SEC14L1: variants seen among roughly 807,000 people sequenced by gnomAD.
SEC14L1 encodes SEC14 like lipid binding 1, also known as SEC14-like protein 1.
SEC14L1 carries 48 observed loss-of-function variants against 85.3 expected under a neutral mutation model. The observed-to-expected ratio is 0.56, with a 90% CI of 0.45 to 0.72. The LOEUF (loss-of-function observed/expected upper bound fraction) is 0.72. SEC14L1 is among the 30% of genes least tolerant of loss of function. The pLI is 0.00. For missense variants in SEC14L1, 682 were observed against 921.4 expected (o/e 0.74, Z 3.36); for synonymous variants, 391 against 355.5 (o/e 1.10, Z -1.12).
At position 77,214,770 on chromosome 17, in the gene SEC14L1, T is replaced by C. The variant is rs1478818868; in HGVS notation, c.*747T>C. On this transcript the variant is annotated 3_prime_UTR_variant, in exon 17 of 17. Coordinates refer to ENST00000436233, the MANE Select transcript of SEC14L1 (RefSeq NM_001143998.2). ...AGCAGGATTTTTCTGTATGTGAACT[T>C]GGGTGGGGGGGTTCTTCCCGTTTCC... 20 of 985,412 alleles carry C rather than the reference T, an allele frequency of 2.0e-5. No individual in the cohort carries two copies. The highest frequency in any genetic ancestry group is 1.7e-5 in the African/African-American group (1 of 57,244). The allele number at this position is 985,412 out of a possible 1,614,324, so 61.0% of individuals were successfully genotyped here. A position where few individuals can be genotyped will look rare whatever the true frequency, so the allele number is the denominator to read the frequency against.
At chr17:77,091,257 T>G (rs1971510388) in intron 2 of SEC14L1, among the ~76,000 whole-genome samples, 2 of 152,102 alleles carry the variant, frequency 1.3e-5, no homozygotes, top group Non-Finnish European at 2.9e-5. Context: ...CCGGCTAATT[T>G]TTGTATTTTT....
At chr17:77,183,497 C>T (rs936029760) in intron 3 of SEC14L1, among the ~76,000 whole-genome samples, 5 of 152,314 alleles carry the variant, frequency 3.3e-5, no homozygotes, top group East Asian at 1.9e-4. Flanking sequence ...GGCAAAGAAT[C>T]GTGCACCTGT....
intron 9 of SEC14L1, among the ~76,000 whole-genome samples, chr17:77,201,822 A>G (rs1449403983): frequency 6.6e-6 from 1 of 152,220 alleles, no homozygotes; most frequent in Non-Finnish European, 1.5e-5. Flanking sequence ...TTTGGAGCAC[A>G]TAAAAATGTT....
At chr17:77,101,911 T>G (rs968747567) in intron 3 of SEC14L1, among the ~76,000 whole-genome samples, 3 of 152,196 alleles carry the variant, frequency 2.0e-5, no homozygotes, top group Non-Finnish European at 4.4e-5. Flanking sequence ...TTCTTGTAGT[T>G]TATTCACCAG....
chr17:77,135,748 C>T (rs534250161), intron 3 of SEC14L1, among the ~76,000 whole-genome samples: 17 of 152,152 alleles, frequency 1.1e-4, no homozygotes, highest in Middle Eastern at 3.4e-3. Context: ...GCTATGTTGT[C>T]CAGGCTGGTC....
intron 3 of SEC14L1, among the ~76,000 whole-genome samples, chr17:77,109,734 C>T (rs59976815): frequency 0.15 from 22,640 of 152,146 alleles, 1,708 homozygotes; most frequent in South Asian, 0.23. Flanking sequence ...TAATGCTCAG[C>T]CTTGGAAGGA....
intron 3 of SEC14L1, among the ~76,000 whole-genome samples, chr17:77,165,092 T>G (rs1974228105): frequency 6.6e-6 from 1 of 152,232 alleles, no homozygotes. Context: ...TCATTTATTT[T>G]ATGAAAGTTC....
intron 3 of SEC14L1, among the ~76,000 whole-genome samples, chr17:77,145,468 T>G (rs930364012): frequency 1.1e-4 from 17 of 152,194 alleles, no homozygotes; most frequent in Admixed American, 2.6e-4. Flanking sequence ...TGTGTGTGGG[T>G]AAGAAGCTCT....
At position 77,194,864 on chromosome 17, in the gene SEC14L1, C is replaced by A. The variant is rs746353086; in HGVS notation, c.662C>A (p.Ala221Asp). The change falls in exon 7 of 17, where the codon GCC (alanine) becomes GAC (aspartate). Residue 221 changes from alanine (A) to aspartate (D), a missense_variant. Physicochemically the swap from Ala to Asp is moderately radical, Grantham distance 126. Transcript: ENST00000436233. ...AALKEGLSGD[A>D]LSSPSAPEPV... ...CTCAAGGAGGGGCTGAGTGGTGATGCCCTCAGCAGCCCCAGCGCACCTGAG... is the reference window on the plus strand; with the variant it reads ...CTCAAGGAGGGGCTGAGTGGTGATGACCTCAGCAGCCCCAGCGCACCTGAG... 11 of 1,614,084 alleles carry A rather than the reference C, an allele frequency of 6.8e-6. No homozygotes were observed. The South Asian group carries it at 9.9e-5, about 14-fold the overall frequency.
At chr17:77,163,580 CAG>C (rs1974160003) in intron 3 of SEC14L1, among the ~76,000 whole-genome samples, 1 of 152,174 alleles carries the variant, frequency 6.6e-6, no homozygotes, top group African/African-American at 2.4e-5. Flanking sequence ...TAAGTTCATT[CAG>C]AGAGTCCCTC....
In SEC14L1 at chr17:77,206,108, T is replaced by A. The variant is rs1315870233; in HGVS notation, c.1170-121T>A. 6.2e-6 allele frequency: 6 copies of A among 971,718 alleles called. No homozygotes were observed. Among genetic ancestry groups the A allele is most frequent in the African/African-American group, 4.9e-5 (3 of 60,684 alleles). The allele number at this position is 971,718 out of a possible 1,614,324, so 60.2% of individuals were successfully genotyped here. A position where few individuals can be genotyped will look rare whatever the true frequency, so the allele number is the denominator to read the frequency against. On this transcript the variant is annotated intron_variant, in intron 11 of 16. Transcript: ENST00000436233. This position sits in a 1 kb window ranked among gnomAD's most constrained non-coding sequence, Gnocchi z 4.3. ...TAGCACTATACATAGCACTATAATT[T>A]AAAAAAATTGATTATGATGTATTTG...
At chr17:77,133,925 T>G (rs1598272526) in intron 3 of SEC14L1, among the ~76,000 whole-genome samples, 1 of 109,570 alleles carries the variant, frequency 9.1e-6, no homozygotes, top group Non-Finnish European at 1.8e-5. Flanking sequence ...GGCAACAGAG[T>G]GAGACTCCAT....
intron 13 of SEC14L1, 34 bp from the exon 14 acceptor site, chr17:77,209,308 T>C: frequency 6.2e-7 from 1 of 1,612,166 alleles, no homozygotes; most frequent in South Asian, 1.1e-5. Flanking sequence ...GGTTTGTGTT[T>C]GCACAGGTTT....
At chr17:77,204,016 C>T (rs1005239849) in intron 10 of SEC14L1, among the ~76,000 whole-genome samples, 3 of 152,178 alleles carry the variant, frequency 2.0e-5, no homozygotes, top group Middle Eastern at 3.4e-3. Flanking sequence ...GAGCTCTTGG[C>T]GTCTTTCTCC....
At chr17:77,209,185 C>G (rs1247818253) in intron 13 of SEC14L1, among the ~76,000 whole-genome samples, 157 bp from the exon 14 acceptor site, 2 of 152,170 alleles carry the variant, frequency 1.3e-5, no homozygotes, top group African/African-American at 4.8e-5. Context: ...ACATATTGCT[C>G]AGTAGTGCAG....
At chr17:77,188,334 T>C (rs1567918541) in intron 3 of SEC14L1, among the ~76,000 whole-genome samples, 1 of 151,646 alleles carries the variant, frequency 6.6e-6, no homozygotes, top group Non-Finnish European at 1.5e-5. Flanking sequence ...GCAACCACTC[T>C]TCTGTTTTCG....
intron 3 of SEC14L1, among the ~76,000 whole-genome samples, chr17:77,146,205 C>T (rs1973296080): frequency 6.6e-6 from 1 of 152,108 alleles, no homozygotes; most frequent in South Asian, 2.1e-4. Flanking sequence ...GGGTGGTAGG[C>T]AGTGGGCATC....
At chr17:77,134,034 GA>G (rs1972703734) in intron 3 of SEC14L1, among the ~76,000 whole-genome samples, 1 of 151,704 alleles carries the variant, frequency 6.6e-6, no homozygotes, top group Non-Finnish European at 1.5e-5. Context: ...GATCCTGTCT[GA>G]GGAAAACAGG....
intron 3 of SEC14L1, among the ~76,000 whole-genome samples, chr17:77,132,516 C>T (rs570218600): frequency 2.2e-4 from 34 of 152,280 alleles, no homozygotes; most frequent in African/African-American, 6.7e-4. Context: ...TGAGCCACTG[C>T]GCCTGGGCAA....
Sources: gnomAD v4.1 joint callset for allele counts (sites outside exome capture counted in the v4.1 genomes callset) on GRCh38, gnomAD v4.1.1 for gene constraint, Gnocchi (gnomAD v3.1) non-coding constraint, MANE v1.5 for transcripts, NCBI Gene and HGNC (gene_info 2026-07-23, HGNC 2026-07-21) for gene names.